Variants in RBPJ observed in about 807,000 individuals in gnomAD.
RBPJ encodes the protein recombination signal binding protein for immunoglobulin kappa J region.
Under a neutral mutation model 67.8 loss-of-function variants are expected in RBPJ, and 9 were observed. The observed-to-expected ratio is 0.13, with a 90% confidence interval of 0.08 to 0.23. RBPJ has a LOEUF of 0.23. Ranked by LOEUF, RBPJ falls within the 10% of genes least tolerant of loss-of-function variation. The pLI is 1.00. For missense variants in RBPJ, 305 were observed against 595.6 expected (o/e 0.51, Z 5.08); for synonymous variants, 198 against 203.3 (o/e 0.97, Z 0.22).
chr4:26,353,929 T>TTTTG (rs972380353), intron 1 of RBPJ, among the ~76,000 whole-genome samples: 1 of 150,442 alleles, frequency 6.6e-6, no homozygotes, highest in Admixed American at 6.6e-5. Flanking sequence ...TCTTTTGTTT[T>TTTTG]TTTGTTTGTT....
At chr4:26,412,275 C>G (rs1734111707) in intron 3 of RBPJ, among the ~76,000 whole-genome samples, 1 of 152,130 alleles carries the variant, frequency 6.6e-6, no homozygotes, top group Non-Finnish European at 1.5e-5. Flanking sequence ...CTCTGTCATC[C>G]AGGCTGGAGT....
intron 1 of RBPJ, among the ~76,000 whole-genome samples, chr4:26,339,608 TG>T (rs558073799): frequency 5.6e-4 from 85 of 152,252 alleles, no homozygotes; most frequent in Middle Eastern, 3.4e-3. Context: ...CCCTCCAGCC[TG>T]GGTGACAAAG....
intron 2 of RBPJ, among the ~76,000 whole-genome samples, chr4:26,388,922 T>G (rs183531900): frequency 1.3e-5 from 2 of 152,200 alleles, no homozygotes; most frequent in African/African-American, 4.8e-5. Flanking sequence ...TAGTGAAAAC[T>G]GTAAAACCAC....
In RBPJ at chr4:26,347,942, C is replaced by CT. The variant is rs56228942; in HGVS notation, c.20+26905dup. On this transcript the variant is annotated intron_variant, in intron 1 of 10. Coordinates refer to ENST00000355476, the MANE Select transcript of RBPJ (RefSeq NM_015874.6). ...AGAGTCTTTCTACATCTGCTGTTTC[C>CT]TTTTTTTTTTTCTTTTTCTTTTTCT... 4.7e-3 allele frequency among the ~76,000 whole-genome samples: 676 copies of CT among 145,012 alleles called. 7 individuals carry two copies. Among genetic ancestry groups the CT allele is most frequent in the African/African-American group, 0.016 (623 of 39,304 alleles).
At chr4:26,158,003 C>T in the RBPJ span, among the ~76,000 whole-genome samples, 4 of 152,144 alleles carry the variant, frequency 2.6e-5, no homozygotes, top group Non-Finnish European at 5.9e-5. Flanking sequence ...CTAGCTGAAC[C>T]CAGCCCAAAT....
chr4:26,303,440 G>GAAA (rs61104406), intron 1 of RBPJ, among the ~76,000 whole-genome samples: 1 of 75,750 alleles, frequency 1.3e-5, no homozygotes, highest in Non-Finnish European at 2.7e-5. Flanking sequence ...ACTCCAGTCT[G>GAAA]AAAAAAAAAA....
In RBPJ at chr4:26,398,744, G is replaced by A. The variant is rs548382159; in HGVS notation, c.60-7431G>A. 4.6e-5 allele frequency among the ~76,000 whole-genome samples: 7 copies of A among 152,222 alleles called. No individual in the cohort carries two copies. In the South Asian group the frequency reaches 1.5e-3, roughly 32 times the overall value. ...TTCTTTTGCCTCAGCCTCCCAAGTA[G>A]CTCAGACTACAGGCGTCTGCCACCA... On this transcript the variant is annotated intron_variant, in intron 2 of 10. Transcript: ENST00000355476.
chr4:26,157,090 C>CAAAAAAAAAAAAA, the RBPJ span, among the ~76,000 whole-genome samples: 1 of 41,738 alleles, frequency 2.4e-5, no homozygotes, highest in Non-Finnish European at 5.6e-5. Context: ...AACAAACAAA[C>CAAAAAAAAAAAAA]AAACAAACAA....
intron 1 of RBPJ, among the ~76,000 whole-genome samples, chr4:26,238,357 T>C (rs900633200): frequency 2.0e-5 from 3 of 152,220 alleles, no homozygotes; most frequent in African/African-American, 7.2e-5. Flanking sequence ...CCACCATGCT[T>C]GGCTCAACCA....
intron 1 of RBPJ, among the ~76,000 whole-genome samples, chr4:26,173,629 T>C (rs1716687593): frequency 6.6e-6 from 1 of 152,168 alleles, no homozygotes; most frequent in African/African-American, 2.4e-5. Context: ...GATAACTTGG[T>C]AGGCTACAAG....
intron 1 of RBPJ, among the ~76,000 whole-genome samples, chr4:26,208,047 G>A (rs996786747): frequency 9.9e-5 from 15 of 152,194 alleles, no homozygotes; most frequent in African/African-American, 3.4e-4. Context: ...AGGAAACTAG[G>A]GTTTCAAGAC....
intron 1 of RBPJ, among the ~76,000 whole-genome samples, chr4:26,214,721 G>GAGAA (rs148895739): frequency 0.41 from 46,782 of 112,974 alleles, 11,272 homozygotes; most frequent in Non-Finnish European, 0.5. Context: ...AGGAGAGAGA[G>GAGAA]AGAAAGAAAG....
intron 1 of RBPJ, among the ~76,000 whole-genome samples, chr4:26,331,059 G>A (rs557031287): frequency 6.6e-6 from 1 of 152,170 alleles, no homozygotes; most frequent in Non-Finnish European, 1.5e-5. Context: ...CACATTCAGT[G>A]ACTGAGCTAG....
chr4:26,166,628 A>G (rs1282777259), intron 1 of RBPJ, among the ~76,000 whole-genome samples: 1 of 152,120 alleles, frequency 6.6e-6, no homozygotes. Flanking sequence ...GCCCTATGTC[A>G]GATGAGTAGG....
At chr4:26,344,303 C>T (rs1048883124) in intron 1 of RBPJ, among the ~76,000 whole-genome samples, 4 of 152,204 alleles carry the variant, frequency 2.6e-5, no homozygotes, top group South Asian at 2.1e-4. Context: ...GGCGTGATTT[C>T]GGCTCACTGC....
intron 1 of RBPJ, among the ~76,000 whole-genome samples, chr4:26,221,477 A>C (rs368457424): frequency 3.7e-4 from 56 of 152,024 alleles, no homozygotes; most frequent in African/African-American, 1.3e-3. Context: ...TTAAGGGACC[A>C]ACAGAGATAA....
chr4:26,271,752 C>A (rs148161889), intron 1 of RBPJ, among the ~76,000 whole-genome samples: 10 of 152,232 alleles, frequency 6.6e-5, no homozygotes, highest in African/African-American at 2.4e-4. Context: ...TAAGACCTCG[C>A]CTTCTATGTG....
chr4:26,374,595 C>T (rs1365136122), intron 1 of RBPJ, among the ~76,000 whole-genome samples: 1 of 151,946 alleles, frequency 6.6e-6, no homozygotes, highest in Non-Finnish European at 1.5e-5. Flanking sequence ...CCTGCCTCAG[C>T]CTCCCGAGTA....
chr4:26,168,924 G>A (rs1417141655), intron 1 of RBPJ, among the ~76,000 whole-genome samples: 1 of 152,048 alleles, frequency 6.6e-6, no homozygotes, highest in Non-Finnish European at 1.5e-5. Context: ...AGCTCCATCA[G>A]CTCCTTTAAG....
Sources: gnomAD v4.1 joint callset for allele counts (sites outside exome capture counted in the v4.1 genomes callset) on GRCh38, gnomAD v4.1.1 for gene constraint, MANE v1.5 for transcripts, NCBI Gene and HGNC (gene_info 2026-07-23, HGNC 2026-07-21) for gene names.